RIMBP2: variants seen among roughly 807,000 people sequenced by gnomAD.
RIMBP2 encodes RIMS-binding protein 2.
RIMBP2 carries 48 observed loss-of-function variants against 118.6 expected under a neutral mutation model. That is an observed-to-expected ratio of 0.40 (90% CI 0.32 to 0.51). The LOEUF (loss-of-function observed/expected upper bound fraction) is 0.51. Ranked by LOEUF, RIMBP2 falls within the 20% of genes least tolerant of loss-of-function variation. RIMBP2 has a pLI of 0.41. For synonymous variants in RIMBP2, 762 were observed against 742.9 expected (o/e 1.03, Z -0.42); for missense variants, 1,551 against 1,768.3 (o/e 0.88, Z 2.20).
chr12:130,402,593 C>T (rs1478758924), intron 21 of RIMBP2, among the ~76,000 whole-genome samples: 4 of 152,190 alleles, frequency 2.6e-5, no homozygotes, highest in Non-Finnish European at 5.9e-5. Flanking sequence ...TCCTCAGTCC[C>T]TCCATAATTT....
intron 6 of RIMBP2, among the ~76,000 whole-genome samples, chr12:130,457,594 G>T (rs1039568746): frequency 1.3e-5 from 2 of 152,202 alleles, no homozygotes; most frequent in South Asian, 2.1e-4. Flanking sequence ...GTCTACAGAG[G>T]ACCCACTCTA....
intron 16 of RIMBP2, among the ~76,000 whole-genome samples, chr12:130,423,623 TG>T (rs1364447475): frequency 4.1e-4 from 21 of 50,910 alleles, no homozygotes; most frequent in Admixed American, 3.9e-3. Flanking sequence ...AGAAAAGAAA[TG>T]GGAAAAAAAC....
At chr12:130,663,244 A>G (rs957323257) in intron 1 of RIMBP2, among the ~76,000 whole-genome samples, 1 of 152,158 alleles carries the variant, frequency 6.6e-6, no homozygotes, top group Non-Finnish European at 1.5e-5. Flanking sequence ...CCCCCTCAGA[A>G]GTTGCTGTCA....
chr12:130,661,415 C>T (rs1029481930), intron 1 of RIMBP2, among the ~76,000 whole-genome samples: 1 of 152,184 alleles, frequency 6.6e-6, no homozygotes, highest in African/African-American at 2.4e-5. Flanking sequence ...TTTCCATGGC[C>T]CTCTAGCCCA....
At chr12:130,646,947 G>A (rs1040193750) in intron 1 of RIMBP2, among the ~76,000 whole-genome samples, 33 of 152,360 alleles carry the variant, frequency 2.2e-4, no homozygotes, top group African/African-American at 7.7e-4. Context: ...CCCATCTCCT[G>A]GCCTAGAGGC....
chr12:130,566,446 G>A (rs1040565019), intron 2 of RIMBP2, among the ~76,000 whole-genome samples: 39 of 152,188 alleles, frequency 2.6e-4, no homozygotes, highest in African/African-American at 4.3e-4. Flanking sequence ...GTGATACGTC[G>A]CTTCTGAGGT....
chr12:130,544,432 A>AG (rs2054910895), intron 2 of RIMBP2, among the ~76,000 whole-genome samples: 1 of 152,178 alleles, frequency 6.6e-6, no homozygotes, highest in African/African-American at 2.4e-5. Context: ...CAGGACAACC[A>AG]GCAAGACTGC....
chr12:130,417,694 CA>C (rs2076180397), intron 17 of RIMBP2, among the ~76,000 whole-genome samples: 1 of 152,246 alleles, frequency 6.6e-6, no homozygotes, highest in Non-Finnish European at 1.5e-5. Context: ...ACCCATGTAA[CA>C]GACCTGCACA....
At chr12:130,661,658 C>T (rs1036241941) in intron 1 of RIMBP2, among the ~76,000 whole-genome samples, 2 of 152,218 alleles carry the variant, frequency 1.3e-5, no homozygotes, top group African/African-American at 4.8e-5. Flanking sequence ...ATGACCCTAT[C>T]AGTGCCCAGC....
intron 3 of RIMBP2, among the ~76,000 whole-genome samples, chr12:130,508,390 T>C (rs1253881197): frequency 6.6e-6 from 1 of 151,898 alleles, no homozygotes; most frequent in Non-Finnish European, 1.5e-5. Context: ...GCTACCCTGT[T>C]GCCACTATGC....
chr12:130,441,447 A>AATAATTATTATT (rs572339336), intron 11 of RIMBP2, among the ~76,000 whole-genome samples: 3 of 141,048 alleles, frequency 2.1e-5, no homozygotes, highest in African/African-American at 7.8e-5. Flanking sequence ...TAATAATAAT[A>AATAATTATTATT]ATTTACAAGG....
chr12:130,578,696 CCAA>C lies in RIMBP2; in HGVS notation c.-217+49623_-217+49625del, dbSNP rs1432680751. Among the ~76,000 whole-genome samples, 1 of 152,186 alleles carries C rather than the reference CCAA, an allele frequency of 6.6e-6. No individual in the cohort carries two copies. Among genetic ancestry groups the C allele is most frequent in the African/African-American group, 2.4e-5 (1 of 41,440 alleles). ...CTTCTCAGAGACTTCCCCTCGCTACCCAACGACCGAGTCCCTCACCCTGCCCCG... is the reference window on the plus strand; with the variant it reads ...CTTCTCAGAGACTTCCCCTCGCTACCCGACCGAGTCCCTCACCCTGCCCCG... On this transcript the variant is annotated intron_variant, in intron 2 of 22. Transcript: ENST00000690449. This position sits in a 1 kb window ranked among gnomAD's most constrained non-coding sequence, Gnocchi z 4.1.
rs1260490974 is a variant in RIMBP2 at position 130,646,137 on chromosome 12, CCCTCACCACCTG to C, written c.-351-17693_-351-17682del. On this transcript the variant is annotated intron_variant, in intron 1 of 22. Transcript: ENST00000690449. ...TCCCTCACCACCTGCCTCTCCACCT[CCCTCACCACCTG>C]CCTCTCCACCTCCCTCACCACCTGC... is the stretch of plus-strand genomic sequence containing the variant. Among the ~76,000 whole-genome samples the C allele has an allele frequency of 6.3e-4, 62 of 99,138 alleles. 5 individuals carry two copies. Among genetic ancestry groups the C allele is most frequent in the East Asian group, 1.5e-3 (6 of 3,906 alleles). The allele number at this position is 99,138 out of a possible 152,430, so 65.0% of individuals were successfully genotyped here.
Position 130,450,255 on chromosome 12 carries a change from T to C in RIMBP2, c.526A>G (p.Asn176Asp). ...ESDMENERNS[N>D]TSKQRYSGKV... ...CCCGAGTATCTCTGCTTGGAGGTATTGGAATTCCGTTCATTCTCCATCTGT... is the reference window on the plus strand; with the variant it reads ...CCCGAGTATCTCTGCTTGGAGGTATCGGAATTCCGTTCATTCTCCATCTGT... Residue 176 changes from asparagine to aspartate, a missense_variant, in exon 9 of 23, where the codon AAT (asparagine) becomes GAT (aspartate). Around this residue, in one of 5 missense-constraint regions of RIMBP2, gnomAD observed 239 missense variants for 256.8 expected, o/e 0.93. Coordinates refer to ENST00000690449, the MANE Select transcript of RIMBP2 (RefSeq NM_001393629.1). This position sits in a 1 kb window ranked among gnomAD's most constrained non-coding sequence, Gnocchi z 4.8. 1 of 1,608,966 alleles carries C rather than the reference T, an allele frequency of 6.2e-7. No homozygotes were observed. The highest frequency in any genetic ancestry group is 8.5e-7 in the Non-Finnish European group (1 of 1,177,272).
chr12:130,402,086 C>T (rs891920149), intron 21 of RIMBP2, among the ~76,000 whole-genome samples: 8 of 152,226 alleles, frequency 5.3e-5, no homozygotes, highest in African/African-American at 1.7e-4. Flanking sequence ...GTAAAATCCA[C>T]GTCAGAACGC....
At chr12:130,416,230 A>G (rs1334747082) in intron 17 of RIMBP2, among the ~76,000 whole-genome samples, 1 of 152,214 alleles carries the variant, frequency 6.6e-6, no homozygotes, top group Non-Finnish European at 1.5e-5. Context: ...ACTACTCTAA[A>G]ATTCATATGG....
chr12:130,642,442 GC>G (rs1324228735), intron 1 of RIMBP2, among the ~76,000 whole-genome samples: 1 of 152,070 alleles, frequency 6.6e-6, no homozygotes, highest in Non-Finnish European at 1.5e-5. Flanking sequence ...CCGCTACCAC[GC>G]CCAGCTAATT....
chr12:130,454,639 CCTT>C (rs1205848139), intron 7 of RIMBP2, among the ~76,000 whole-genome samples: 2 of 152,278 alleles, frequency 1.3e-5, no homozygotes, highest in African/African-American at 4.8e-5. Context: ...GTGGTGCAAA[CCTT>C]CTTCTCTGCC....
At position 130,484,515 on chromosome 12, in the gene RIMBP2, C is replaced by T. The variant is rs148344015; in HGVS notation, c.-3-5499G>A. ...TCATCCCCAGTGCACTGGCCGGCTC[C>T]CTTGCCTGCTATCTGCTCCTTCCCC... On this transcript the variant is annotated intron_variant, in intron 4 of 22. Transcript: ENST00000690449. 2.6e-3 allele frequency among the ~76,000 whole-genome samples: 401 copies of T among 152,370 alleles called. 1 individual carries two copies. The highest frequency in any genetic ancestry group is 9.2e-3 in the African/African-American group (384 of 41,582).
Sources: gnomAD v4.1 joint callset for allele counts (sites outside exome capture counted in the v4.1 genomes callset) on GRCh38, gnomAD v4.1.1 for gene constraint, gnomAD v4.1.1 regional missense constraint, Gnocchi (gnomAD v3.1) non-coding constraint, MANE v1.5 for transcripts, NCBI Gene and HGNC (gene_info 2026-07-23, HGNC 2026-07-21) for gene names.